RAB43: variants seen among roughly 807,000 people sequenced by gnomAD.
RAB43 encodes the protein RAB43, member RAS oncogene family, also known as ras-related protein Rab-43.
In RAB43, 6 loss-of-function variants were observed where a neutral mutation model predicts 18.8. The ratio of observed to expected loss-of-function variants is 0.32; its 90% CI spans 0.17 to 0.63. The LOEUF is 0.63. RAB43 is among the 30% of genes least tolerant of loss of function. The pLI, the probability that RAB43 is intolerant of heterozygous loss-of-function variation, is 0.79. For synonymous variants in RAB43, 103 were observed against 124.1 expected (o/e 0.83, Z 1.13); for missense variants, 195 against 289.1 (o/e 0.67, Z 2.36).
At chr3:129,111,217 A>G (rs1303797942) in intron 1 of RAB43, among the ~76,000 whole-genome samples, 5 of 151,792 alleles carry the variant, frequency 3.3e-5, no homozygotes, top group African/African-American at 1.2e-4. Flanking sequence ...CTTCTAGTAG[A>G]GCTTCAAGAG....
rs970572 is a variant in RAB43, at chr3:129,107,559, C to T, written c.205-12390G>A. On this transcript the variant is annotated intron_variant, in intron 1 of 2. Coordinates refer to ENST00000315150, the MANE Select transcript of RAB43 (RefSeq NM_198490.3). This position sits in a 1 kb window ranked among gnomAD's most constrained non-coding sequence, Gnocchi z 4.2. Reference sequence around the variant, plus strand: ...AACCAAGGCAGCGTGCAGGAGCTCGCGGTGGGCACCGCTCAGCTGGGGGGC... The same window carrying T: ...AACCAAGGCAGCGTGCAGGAGCTCGTGGTGGGCACCGCTCAGCTGGGGGGC... Among the ~76,000 whole-genome samples, 867 of 152,240 alleles carry T rather than the reference C, an allele frequency of 5.7e-3. 3 individuals carry two copies. The highest frequency in any genetic ancestry group is 0.015 in the African/African-American group (614 of 41,528).
At chr3:129,098,688 C>T (rs1209487411) in intron 1 of RAB43, among the ~76,000 whole-genome samples, 4 of 152,038 alleles carry the variant, frequency 2.6e-5, no homozygotes, top group South Asian at 2.1e-4. Context: ...AGAAAAACAT[C>T]GCCATAATGA....
intron 1 of RAB43, among the ~76,000 whole-genome samples, chr3:129,098,979 A>C (rs1442211068): frequency 1.3e-5 from 2 of 152,126 alleles, no homozygotes; most frequent in Non-Finnish European, 2.9e-5. Flanking sequence ...AGGCTGAGGC[A>C]TGAGAATCCC....
intron 1 of RAB43, among the ~76,000 whole-genome samples, chr3:129,113,164 A>T (rs1460491197): frequency 6.3e-5 from 9 of 143,130 alleles, no homozygotes; most frequent in African/African-American, 1.0e-4. Context: ...TATTATTATT[A>T]TTATTATTTT....
Position 129,094,996 on chromosome 3 carries a change from C to T in RAB43, c.378G>A (p.Gln126=), listed in dbSNP as rs1335458665. The T allele has an allele frequency of 1.2e-6, 2 of 1,610,526 alleles. No individual in the cohort carries two copies. Among genetic ancestry groups the T allele is most frequent in the African/African-American group, 1.3e-5 (1 of 74,836 alleles). The change falls in exon 2 of 3, where the codon CAG becomes CAA. Residue 126 remains glutamine (Q), a synonymous_variant. Coordinates refer to ENST00000315150, the MANE Select transcript of RAB43 (RefSeq NM_198490.3). ...VRKYAGSNIV[Q]LLIGNKSDLS... is the part of the protein sequence containing the mutation. ...GAATCCCCAACTCACCGATCAGCAG[C>T]TGCACAATGTTGGAGCCCGCATACT...
intron 1 of RAB43, among the ~76,000 whole-genome samples, chr3:129,109,202 A>T (rs1485587413): frequency 6.6e-6 from 1 of 151,902 alleles, no homozygotes; most frequent in Non-Finnish European, 1.5e-5. Flanking sequence ...CGAGGTCAGG[A>T]GATCGAGACC....
intron 2 of RAB43, chr3:129,092,422 T>C: frequency 1.6e-6 from 1 of 639,638 alleles, no homozygotes; most frequent in Non-Finnish European, 2.8e-6. Flanking sequence ...TGGACTTCAG[T>C]TGCTAATTGC....
intron 1 of RAB43, among the ~76,000 whole-genome samples, chr3:129,113,610 A>G (rs1935309242): frequency 6.6e-6 from 1 of 152,246 alleles, no homozygotes; most frequent in South Asian, 2.1e-4. Flanking sequence ...CCTTCTTCCA[A>G]TCCAGAAAAG....
chr3:129,091,476 A>G (rs1933648505), intron 2 of RAB43, 130 bp from the exon 3 acceptor site: 1 of 1,246,918 alleles, frequency 8.0e-7, no homozygotes, highest in African/African-American at 1.5e-5. Flanking sequence ...TGGCATGGTC[A>G]TCTGTCTTTC....
chr3:129,108,847 G>C lies in RAB43; in HGVS notation c.204+12439C>G, dbSNP rs564407032. 2.6e-5 allele frequency among the ~76,000 whole-genome samples: 4 copies of C among 152,264 alleles called. No individual in the cohort carries two copies. In the South Asian group the frequency reaches 8.3e-4, roughly 32 times the overall value. ...ACCACCCTAACCAGGTGATCAAACA[G>C]GCCCCATTACTAGTATGGAACGTGG... On this transcript the variant is annotated intron_variant, in intron 1 of 2. Transcript: ENST00000315150.
chr3:129,106,055 G>A (rs903690987), intron 1 of RAB43, among the ~76,000 whole-genome samples: 2 of 152,322 alleles, frequency 1.3e-5, no homozygotes, highest in Non-Finnish European at 2.9e-5. Flanking sequence ...CTGCTTTCCA[G>A]GGATTCCTAG....
intron 1 of RAB43, among the ~76,000 whole-genome samples, chr3:129,098,469 G>A (rs1441215451): frequency 2.0e-5 from 3 of 152,182 alleles, no homozygotes; most frequent in Non-Finnish European, 4.4e-5. Flanking sequence ...CCAGAGTCTC[G>A]TTAAGTTATC....
chr3:129,121,252 G>A (rs1426426850), intron 1 of RAB43, 34 bp downstream of exon 1: 4 of 1,551,138 alleles, frequency 2.6e-6, no homozygotes, highest in Non-Finnish European at 3.5e-6. Context: ...CCCTCCGAGG[G>A]AGCGCCTTCC....
intron 2 of RAB43, 63 bp downstream of exon 2, chr3:129,094,923 G>T: frequency 6.4e-7 from 1 of 1,561,248 alleles, no homozygotes; most frequent in Middle Eastern, 2.0e-4. Flanking sequence ...TGTTTAAAAA[G>T]CAGAGGGAGG....
intron 1 of RAB43, among the ~76,000 whole-genome samples, chr3:129,109,968 G>C (rs1935050485): frequency 6.6e-6 from 1 of 151,552 alleles, no homozygotes; most frequent in Non-Finnish European, 1.5e-5. Context: ...GGGCTCAAGT[G>C]ATCCTCCCAC....
In RAB43 at chr3:129,107,283, C is replaced by T. The variant is rs1197673572; in HGVS notation, c.205-12114G>A. Among the ~76,000 whole-genome samples, 2 of 152,200 alleles carry T rather than the reference C, an allele frequency of 1.3e-5. No homozygotes were observed. Among genetic ancestry groups the T allele is most frequent in the Non-Finnish European group, 2.9e-5 (2 of 68,042 alleles). ...AACTGCTTCCAAGAAATCTCACTGCCACTGGCACCTCCTGCAGGAATCAAA... is the reference window on the plus strand; with the variant it reads ...AACTGCTTCCAAGAAATCTCACTGCTACTGGCACCTCCTGCAGGAATCAAA... On this transcript the variant is annotated intron_variant, in intron 1 of 2. Coordinates refer to ENST00000315150, the MANE Select transcript of RAB43 (RefSeq NM_198490.3). This position sits in a 1 kb window ranked among gnomAD's most constrained non-coding sequence, Gnocchi z 4.2.
intron 1 of RAB43, among the ~76,000 whole-genome samples, chr3:129,110,662 C>A (rs535274040): frequency 1.3e-5 from 2 of 152,064 alleles, no homozygotes; most frequent in South Asian, 2.1e-4. Context: ...CATGGTGAAA[C>A]CCCGTCTCTA....
At chr3:129,110,635 A>G (rs998542387) in intron 1 of RAB43, among the ~76,000 whole-genome samples, 16 of 152,178 alleles carry the variant, frequency 1.1e-4, no homozygotes, top group African/African-American at 3.6e-4. Context: ...TCAGAAGATC[A>G]AGACGATCCT....
At chr3:129,104,986 C>T (rs1367737997) in intron 1 of RAB43, among the ~76,000 whole-genome samples, 2 of 152,170 alleles carry the variant, frequency 1.3e-5, no homozygotes, top group African/African-American at 4.8e-5. Context: ...TTACTCTTGC[C>T]CCTACAACAA....
Sources: gnomAD v4.1 joint callset for allele counts (sites outside exome capture counted in the v4.1 genomes callset) on GRCh38, gnomAD v4.1.1 for gene constraint, Gnocchi (gnomAD v3.1) non-coding constraint, MANE v1.5 for transcripts, NCBI Gene and HGNC (gene_info 2026-07-23, HGNC 2026-07-21) for gene names.